Variants in CDCA7L observed in about 807,000 individuals in gnomAD.
CDCA7L encodes cell division cycle-associated 7-like protein.
CDCA7L carries 44 observed loss-of-function variants against 57.4 expected under a neutral mutation model. The observed-to-expected ratio is 0.77, with a 90% CI of 0.60 to 0.98. The LOEUF (loss-of-function observed/expected upper bound fraction) is 0.98, where lower values mean the gene tolerates loss of function less well. Ranked by LOEUF, CDCA7L falls within the 50% of genes least tolerant of loss-of-function variation. CDCA7L has a pLI of 0.00. For synonymous variants in CDCA7L, 236 were observed against 202.8 expected (o/e 1.16, Z -1.39); for missense variants, 644 against 580.6 (o/e 1.11, Z -1.12).
At chr7:21,935,917 A>G (rs145447670) in intron 1 of CDCA7L, among the ~76,000 whole-genome samples, 2,039 of 152,236 alleles carry the variant, frequency 0.013, 20 homozygotes, top group Non-Finnish European at 0.02. Context: ...GCTGAAACAG[A>G]GAACTGCTTG....
chr7:21,904,140 C>T lies in CDCA7L; in HGVS notation c.1167G>A (p.Gly389=). 6.2e-7 allele frequency: 1 copy of T among 1,611,106 alleles called. No individual in the cohort carries two copies. The change falls in exon 8 of 10, where the codon GGG becomes GGA. Residue 389 remains glycine (G), a synonymous_variant. Coordinates refer to ENST00000406877, the MANE Select transcript of CDCA7L (RefSeq NM_018719.5). The stretch of plus-strand genomic sequence containing the variant: ...CCAGCAATGCCGATCTGACATCCTC[C>T]CCATAGCGGTTCCGCAGGCATGGTC... ...FCGPCLRNRY[G]EDVRSALLDP...
At chr7:21,922,344 G>A (rs1167190594) in intron 1 of CDCA7L, among the ~76,000 whole-genome samples, 2 of 152,190 alleles carry the variant, frequency 1.3e-5, no homozygotes, top group Admixed American at 6.5e-5. Context: ...CAGTAGGTCA[G>A]CTGTAGGACA....
In CDCA7L at chr7:21,916,131, G is replaced by A. The variant is rs942490898; in HGVS notation, c.165+623C>T. On this transcript the variant is annotated intron_variant, in intron 2 of 9. Transcript: ENST00000406877. ...TTTGCTGCCTTTTTGGAGAGGCCAT[G>A]GTCAAGGCAGAATGAGGAATTTTGA... is the stretch of plus-strand genomic sequence containing the variant. 2.6e-5 allele frequency among the ~76,000 whole-genome samples: 4 copies of A among 152,230 alleles called. No individual in the cohort carries two copies. In the East Asian group the frequency reaches 7.7e-4, roughly 29 times the overall value.
At chr7:21,945,476 C>T (rs1304794119) in intron 1 of CDCA7L, among the ~76,000 whole-genome samples, 1 of 152,160 alleles carries the variant, frequency 6.6e-6, no homozygotes, top group East Asian at 1.9e-4. Flanking sequence ...GCTGCAAACG[C>T]AGGCGCTGCG....
chr7:21,938,416 G>A (rs893986518), intron 1 of CDCA7L, among the ~76,000 whole-genome samples: 4 of 151,974 alleles, frequency 2.6e-5, no homozygotes, highest in South Asian at 4.2e-4. Context: ...TGGCAAAGAC[G>A]TGAAGAAATT....
intron 8 of CDCA7L, 146 bp from the exon 9 acceptor site, chr7:21,903,260 C>T (rs2043738069): frequency 1.4e-6 from 1 of 705,588 alleles, no homozygotes; most frequent in Non-Finnish European, 2.3e-6. Context: ...GGGGGCTCCT[C>T]ACAAGGCAGG....
chr7:21,901,308 C>G lies in CDCA7L; in HGVS notation c.*1014G>C, dbSNP rs570885498. 16 of 1,500,908 alleles carry G rather than the reference C, an allele frequency of 1.1e-5. No homozygotes were observed. In the African/African-American group the frequency reaches 1.4e-4, roughly 13 times the overall value. 93.0% of individuals were successfully genotyped at this position (1,500,908 alleles called of 1,614,324 possible). A position where few individuals can be genotyped will look rare whatever the true frequency, so the allele number is the denominator to read the frequency against. ...CTGGAGTGCAGTGAGGATTTTCTAG[C>G]ATGTTGCTGCACTGTTCCCATGCAC... is the stretch of plus-strand genomic sequence containing the variant. On this transcript the variant is annotated 3_prime_UTR_variant, in exon 10 of 10. Transcript: ENST00000406877.
chr7:21,918,448 T>G (rs1785555915), intron 1 of CDCA7L, among the ~76,000 whole-genome samples: 1 of 152,236 alleles, frequency 6.6e-6, no homozygotes, highest in African/African-American at 2.4e-5. Context: ...ACTTAGTTTA[T>G]CTGCATCATG....
In CDCA7L at chr7:21,903,096, A is replaced by G. The variant is rs1322455732; in HGVS notation, c.1216T>C (p.Cys406Arg). Reference sequence around the variant, plus strand: ...TAGCTGCAATTGCAGATCCCACGACAGGGGGGACACACCCAATCCTAACAG... The same window carrying G: ...TAGCTGCAATTGCAGATCCCACGACGGGGGGGACACACCCAATCCTAACAG... ...LLDPDWVCPP[C>R]RGICNCSYCR... Residue 406 changes from cysteine to arginine, a missense_variant, in exon 9 of 10, where the codon TGT (cysteine) becomes CGT (arginine). Coordinates refer to ENST00000406877, the MANE Select transcript of CDCA7L (RefSeq NM_018719.5). 6.2e-7 allele frequency: 1 copy of G among 1,613,790 alleles called. No individual in the cohort carries two copies. Among genetic ancestry groups the G allele is most frequent in the Non-Finnish European group, 8.5e-7 (1 of 1,179,878 alleles).
chr7:21,903,914 T>C (rs1027536188), intron 8 of CDCA7L, 196 bp downstream of exon 8: 40 of 457,342 alleles, frequency 8.7e-5, no homozygotes, highest in Non-Finnish European at 1.3e-4. Context: ...TTAATTCTTC[T>C]ATTCACTGGT....
At chr7:21,927,583 G>A (rs1785867409) in intron 1 of CDCA7L, among the ~76,000 whole-genome samples, 1 of 152,146 alleles carries the variant, frequency 6.6e-6, no homozygotes, top group Non-Finnish European at 1.5e-5. Flanking sequence ...AAAGAAAACA[G>A]AGAGAAAAAG....
chr7:21,918,169 C>A (rs1028287994), intron 1 of CDCA7L, among the ~76,000 whole-genome samples: 9 of 151,800 alleles, frequency 5.9e-5, no homozygotes, highest in Middle Eastern at 6.8e-3. Flanking sequence ...TCAAGTTATC[C>A]CACTATTAAT....
In CDCA7L at chr7:21,909,221, G is replaced by A. The variant is rs116530073; in HGVS notation, c.304-714C>T. On this transcript the variant is annotated intron_variant, in intron 3 of 9. Coordinates refer to ENST00000406877, the MANE Select transcript of CDCA7L (RefSeq NM_018719.5). ...GCTCTGTTTTACAAGTGAGAACACA[G>A]TAAATATGGAAGGCAGTAACAGGGA... Among the ~76,000 whole-genome samples, 883 of 152,312 alleles carry A rather than the reference G, an allele frequency of 5.8e-3. 10 individuals are homozygous for A. The highest frequency in any genetic ancestry group is 0.02 in the African/African-American group (841 of 41,566).
intron 1 of CDCA7L, among the ~76,000 whole-genome samples, chr7:21,924,854 A>T (rs1201851324): frequency 2.0e-5 from 3 of 152,212 alleles, no homozygotes; most frequent in African/African-American, 7.2e-5. Flanking sequence ...TCTGATTTGC[A>T]CCCAGAAAAT....
At chr7:21,938,505 T>C (rs1027497434) in intron 1 of CDCA7L, among the ~76,000 whole-genome samples, 7 of 152,106 alleles carry the variant, frequency 4.6e-5, no homozygotes, top group Admixed American at 1.3e-4. Context: ...TCTGAAAAAA[T>C]TGAATTTAGT....
At chr7:21,910,354 G>C (rs1462748751) in intron 3 of CDCA7L, among the ~76,000 whole-genome samples, 1 of 152,190 alleles carries the variant, frequency 6.6e-6, no homozygotes, top group African/African-American at 2.4e-5. Flanking sequence ...GGGCCTCCAG[G>C]CTGGCACAGC....
rs914346277 is a variant in CDCA7L at position 21,934,967 on chromosome 7, T to C, written c.24+10814A>G. ...AAATAGACTGTTCTGCAACAACAGA[T>C]AGAAACTTCAACACCCCACTTTCAA... On this transcript the variant is annotated intron_variant, in intron 1 of 9. Coordinates refer to ENST00000406877, the MANE Select transcript of CDCA7L (RefSeq NM_018719.5). 5.3e-5 allele frequency among the ~76,000 whole-genome samples: 8 copies of C among 152,156 alleles called. No homozygotes were observed. In the East Asian group the frequency reaches 1.2e-3, roughly 22 times the overall value.
At chr7:21,929,308 C>T (rs1562633518) in intron 1 of CDCA7L, among the ~76,000 whole-genome samples, 1 of 152,036 alleles carries the variant, frequency 6.6e-6, no homozygotes, top group South Asian at 2.1e-4. Context: ...GAAGGAAGCA[C>T]TAAACATGGA....
intron 1 of CDCA7L, among the ~76,000 whole-genome samples, chr7:21,924,091 TATA>T (rs1411660252): frequency 2.6e-5 from 4 of 152,242 alleles, no homozygotes; most frequent in Non-Finnish European, 5.9e-5. Flanking sequence ...TGAAATTAAG[TATA>T]ATATTTTTTA....
Sources: allele counts gnomAD v4.1 joint callset (sites outside exome capture counted in the v4.1 genomes callset), GRCh38; gene constraint gnomAD v4.1.1; transcripts MANE v1.5; gene names NCBI Gene and HGNC (gene_info 2026-07-23, HGNC 2026-07-21).